FAF2: variants seen among roughly 807,000 people sequenced by gnomAD.
FAF2 encodes FAS-associated factor 2.
A neutral mutation model predicts 62.3 loss-of-function variants in FAF2; 9 were observed. That is an observed-to-expected ratio of 0.14 (90% CI 0.09 to 0.25). The LOEUF (loss-of-function observed/expected upper bound fraction) is 0.25. Among genes scored for constraint, FAF2 ranks in the 10% least tolerant of loss-of-function variants. The probability of loss-of-function intolerance (pLI) is 1.00; values close to 1 mark genes in which losing one functional copy is unlikely to be tolerated. For missense variants in FAF2, 368 were observed against 556.2 expected (o/e 0.66, Z 3.40); for synonymous variants, 202 against 198.0 (o/e 1.02, Z -0.17).
intron 5 of FAF2, 82 bp downstream of exon 5, chr5:176,492,414 G>A (rs1263284142): frequency 7.1e-7 from 1 of 1,415,584 alleles, no homozygotes; most frequent in Non-Finnish European, 9.3e-7. Context: ...CACTGATCAT[G>A]TCCTTCTTGT....
chr5:176,490,078 G>A (rs146370421), intron 4 of FAF2, among the ~76,000 whole-genome samples: 3,192 of 152,070 alleles, frequency 0.021, 117 homozygotes, highest in African/African-American at 0.074. Context: ...TTGGGAGGCT[G>A]AGGTGGGCGG....
intron 1 of FAF2, among the ~76,000 whole-genome samples, chr5:176,454,672 A>G (rs1758250140): frequency 6.6e-6 from 1 of 151,522 alleles, no homozygotes; most frequent in Non-Finnish European, 1.5e-5. Flanking sequence ...AAAGTAATCA[A>G]ATCTTATTTT....
intron 1 of FAF2, among the ~76,000 whole-genome samples, chr5:176,455,076 A>T (rs946099298): frequency 7.0e-6 from 1 of 143,522 alleles, no homozygotes; most frequent in Non-Finnish European, 1.5e-5. Context: ...GGAAATTGCT[A>T]AAAAAAAAAA....
At chr5:176,481,887 T>A (rs924818592) in intron 2 of FAF2, among the ~76,000 whole-genome samples, 38 of 152,168 alleles carry the variant, frequency 2.5e-4, no homozygotes, top group African/African-American at 8.9e-4. Flanking sequence ...GAATGGACTT[T>A]GCTGAGTCAT....
intron 9 of FAF2, 123 bp downstream of exon 9, chr5:176,499,208 AGG>A: frequency 1.1e-6 from 1 of 872,874 alleles, no homozygotes; most frequent in East Asian, 3.2e-5. Flanking sequence ...AAAAAAAAAA[AGG>A]AAAAAGGAAA....
At chr5:176,459,150 G>C (rs1758330606) in intron 1 of FAF2, among the ~76,000 whole-genome samples, 1 of 149,956 alleles carries the variant, frequency 6.7e-6, no homozygotes, top group African/African-American at 2.5e-5. Context: ...AGAGTTTTTT[G>C]TTGGATTCTT....
chr5:176,462,559 G>A (rs1278062036), intron 1 of FAF2, among the ~76,000 whole-genome samples: 1 of 152,100 alleles, frequency 6.6e-6, no homozygotes, highest in East Asian at 1.9e-4. Context: ...GGGAGGCGGA[G>A]GTTGCAGTGA....
chr5:176,450,429 A>G (rs920005432), intron 1 of FAF2, among the ~76,000 whole-genome samples: 14 of 152,222 alleles, frequency 9.2e-5, no homozygotes, highest in African/African-American at 2.9e-4. Flanking sequence ...GTTTAAGTGC[A>G]ATGAAGTAAT....
At chr5:176,469,487 A>G (rs980545174) in intron 1 of FAF2, among the ~76,000 whole-genome samples, 1 of 152,216 alleles carries the variant, frequency 6.6e-6, no homozygotes, top group Non-Finnish European at 1.5e-5. Context: ...CAAAGCTGGC[A>G]TTGCAAAACT....
At chr5:176,451,871 C>T (rs75293984) in intron 1 of FAF2, among the ~76,000 whole-genome samples, 8,160 of 25,854 alleles carry the variant, frequency 0.32, 1,698 homozygotes, top group East Asian at 0.55. Flanking sequence ...TATATATATA[C>T]ACACATATAT....
chr5:176,454,678 A>C (rs900315528), intron 1 of FAF2, among the ~76,000 whole-genome samples: 1 of 149,628 alleles, frequency 6.7e-6, no homozygotes, highest in East Asian at 2.0e-4. Flanking sequence ...ATCAAATCTT[A>C]TTTTATTTCC....
In FAF2 at chr5:176,448,445, A is replaced by G; in HGVS notation, c.38A>G (p.Gln13Arg). Reference sequence around the variant, plus strand: ...GAGGAGCGGGATCTAACCCAGGAGCAGACAGAGAAGCTGCTGCAGTTTCAG... The same window carrying G: ...GAGGAGCGGGATCTAACCCAGGAGCGGACAGAGAAGCTGCTGCAGTTTCAG... ...APEERDLTQE[Q>R]TEKLLQFQDL... The change falls in exon 1 of 11, where the codon CAG (glutamine) becomes CGG (arginine). Residue 13 changes from glutamine to arginine, a missense_variant. Physicochemically the swap from Gln to Arg is conservative, Grantham distance 43 (BLOSUM62 1). This residue lies in a region of FAF2 where 331 missense variants were observed against 441.9 expected (regional missense o/e 0.75). Transcript: ENST00000261942. 1 of 1,606,184 alleles carries G rather than the reference A, an allele frequency of 6.2e-7. No homozygotes were observed. The highest frequency in any genetic ancestry group is 1.7e-4 in the Middle Eastern group (1 of 5,972).
rs1387814665 is a variant in FAF2 at position 176,509,254 on chromosome 5, TTCC to T, written c.*2310_*2312del. 6.6e-6 allele frequency: 1 copy of T among 152,196 alleles called. No individual in the cohort carries two copies. The highest frequency in any genetic ancestry group is 2.4e-5 in the African/African-American group (1 of 41,434). The allele number at this position is 152,196 out of a possible 1,614,324, so 9.4% of individuals were successfully genotyped here. A position where few individuals can be genotyped will look rare whatever the true frequency, so the allele number is the denominator to read the frequency against. On this transcript the variant is annotated 3_prime_UTR_variant, in exon 11 of 11. Coordinates refer to ENST00000261942, the MANE Select transcript of FAF2 (RefSeq NM_014613.3). ...CGCTGCTGCCTAGGTGCCATTTCCT[TTCC>T]TCCTCAGTCAAATACAGGCTGCACA...
chr5:176,483,725 T>C (rs1464708645), intron 2 of FAF2, among the ~76,000 whole-genome samples: 3 of 152,202 alleles, frequency 2.0e-5, no homozygotes, highest in Non-Finnish European at 4.4e-5. Context: ...GTTATAGTCA[T>C]GGTTATAGTT....
At chr5:176,461,938 C>T (rs537610150) in intron 1 of FAF2, among the ~76,000 whole-genome samples, 3 of 152,272 alleles carry the variant, frequency 2.0e-5, no homozygotes, top group Admixed American at 6.5e-5. Flanking sequence ...TTAGGTCTTA[C>T]ATTTAATGAT....
intron 1 of FAF2, among the ~76,000 whole-genome samples, chr5:176,478,879 C>T (rs116384434): frequency 3.4e-4 from 52 of 152,284 alleles, no homozygotes; most frequent in African/African-American, 1.3e-3. Context: ...TAATATTTTG[C>T]TTAGCCCACA....
chr5:176,465,822 A>C (rs1213985173), intron 1 of FAF2, among the ~76,000 whole-genome samples: 6 of 152,172 alleles, frequency 3.9e-5, no homozygotes, highest in African/African-American at 1.2e-4. Flanking sequence ...GTGCCACTGC[A>C]CTCCAGCCTG....
chr5:176,495,691 T>C (rs1759047463), intron 7 of FAF2, among the ~76,000 whole-genome samples: 1 of 151,966 alleles, frequency 6.6e-6, no homozygotes, highest in Non-Finnish European at 1.5e-5. Flanking sequence ...TTTGTATTTT[T>C]TGTAGAGATG....
At chr5:176,464,897 T>C (rs1758437044) in intron 1 of FAF2, among the ~76,000 whole-genome samples, 1 of 151,092 alleles carries the variant, frequency 6.6e-6, no homozygotes, top group Admixed American at 6.6e-5. Context: ...AGGCACTTTC[T>C]TTTTTTTTGA....
Sources: gnomAD v4.1 joint callset for allele counts (sites outside exome capture counted in the v4.1 genomes callset) on GRCh38, gnomAD v4.1.1 for gene constraint, gnomAD v4.1.1 regional missense constraint, MANE v1.5 for transcripts, NCBI Gene and HGNC (gene_info 2026-07-23, HGNC 2026-07-21) for gene names.